HESX1: variants seen among roughly 807,000 people sequenced by gnomAD.
HESX1 encodes the protein homeobox expressed in ES cells 1.
Under a neutral mutation model 22.5 loss-of-function variants are expected in HESX1, and 11 were observed. The ratio of observed to expected loss-of-function variants is 0.49; its 90% CI spans 0.31 to 0.81. The LOEUF is 0.81. Among genes scored for constraint, HESX1 ranks in the 30% least tolerant of loss-of-function variants. The pLI, the probability that HESX1 is intolerant of heterozygous loss-of-function variation, is 0.05. For synonymous variants in HESX1, 74 were observed against 76.5 expected, an observed-to-expected ratio of 0.97 and a Z score of 0.17; for missense variants, 201 against 212.6, an observed-to-expected ratio of 0.95 and a Z score of 0.34.
chr3:57,225,912 GC>G (rs2060640629), intron 1 of HESX1, among the ~76,000 whole-genome samples: 1 of 110,886 alleles, frequency 9.0e-6, no homozygotes, highest in Non-Finnish European at 1.8e-5. Context: ...ACGTAGTCTT[GC>G]TCTGTCGCCC....
intron 1 of HESX1, among the ~76,000 whole-genome samples, chr3:57,225,064 G>C (rs2060634759): frequency 6.6e-6 from 1 of 152,150 alleles, no homozygotes; most frequent in South Asian, 2.1e-4. Context: ...AAAGAAAACT[G>C]GCTTAAAATG....
chr3:57,212,557 C>CAAAAAAAAA (rs56093005), intron 1 of HESX1, among the ~76,000 whole-genome samples: 6 of 80,152 alleles, frequency 7.5e-5, no homozygotes, highest in Admixed American at 4.3e-4. Context: ...GACTCTGTCT[C>CAAAAAAAAA]AAAAAAAAAA....
upstream of HESX1, chr3:57,200,107 C>T (rs2060476666): frequency 3.3e-6 from 2 of 602,662 alleles, no homozygotes; most frequent in Non-Finnish European, 5.9e-6. Context: ...CAGCCAGCAG[C>T]TTAAGGAGTT....
chr3:57,222,935 A>C (rs1358202379), intron 1 of HESX1, among the ~76,000 whole-genome samples: 1 of 152,210 alleles, frequency 6.6e-6, no homozygotes, highest in East Asian at 1.9e-4. Context: ...AAAAAATATT[A>C]GTTTTTAAAA....
rs190201411 is a variant in HESX1, at chr3:57,198,445, G to A, written c.405C>T (p.Ile135=). 8 of 1,606,514 alleles carry A rather than the reference G, an allele frequency of 5.0e-6. No individual in the cohort carries two copies. Among genetic ancestry groups the A allele is most frequent in the East Asian group, 2.2e-5 (1 of 44,724 alleles). The part of the protein sequence containing the change: ...NVFRVNCYPG[I]DIREDLAQKL... The stretch of plus-strand genomic sequence containing the variant: ...TTTGAGCTAAGTCTTCTCTAATATC[G>A]ATACCAGGATAGCAGTTTACTCTAA... The change falls in exon 3 of 4, where the codon ATC becomes ATT. Residue 135 remains isoleucine, a synonymous_variant. Transcript: ENST00000295934.
At chr3:57,201,684 T>A (rs942294935), upstream of HESX1, among the ~76,000 whole-genome samples, 4 of 150,926 alleles carry the variant, frequency 2.7e-5, no homozygotes, top group Admixed American at 6.6e-5. Context: ...GGGGTAGATG[T>A]CAGTGTAGGC....
At chr3:57,222,965 A>G (rs976396695) in intron 1 of HESX1, among the ~76,000 whole-genome samples, 1 of 152,150 alleles carries the variant, frequency 6.6e-6, no homozygotes, top group East Asian at 1.9e-4. Context: ...AGAGACAAAA[A>G]AGCTTCCTTA....
chr3:57,214,900 A>T (rs2060575176), intron 1 of HESX1, among the ~76,000 whole-genome samples: 1 of 152,208 alleles, frequency 6.6e-6, no homozygotes, highest in Admixed American at 6.5e-5. Flanking sequence ...AAGGGAATAT[A>T]GATGAAGGAG....
intron 1 of HESX1, among the ~76,000 whole-genome samples, chr3:57,225,146 T>C (rs1195622880): frequency 6.6e-6 from 1 of 152,184 alleles, no homozygotes; most frequent in African/African-American, 2.4e-5. Flanking sequence ...GGACTATGAA[T>C]TTTGCAGCTT....
upstream of HESX1, among the ~76,000 whole-genome samples, chr3:57,202,954 T>G (rs1485183996): frequency 6.6e-6 from 1 of 152,114 alleles, no homozygotes; most frequent in Admixed American, 6.5e-5. Flanking sequence ...TTGGAATGTT[T>G]GAGGAGGAAG....
intron 2 of HESX1, 38 bp downstream of exon 2, chr3:57,198,715 C>T: frequency 6.3e-7 from 1 of 1,586,186 alleles, no homozygotes; most frequent in Non-Finnish European, 8.7e-7. Flanking sequence ...TCAATTAAAG[C>T]CTTTATATTA....
At chr3:57,227,068 T>TA (rs1417737787), upstream of HESX1, among the ~76,000 whole-genome samples, 2 of 152,230 alleles carry the variant, frequency 1.3e-5, no homozygotes, top group Non-Finnish European at 2.9e-5. Context: ...TTTTAAAAGA[T>TA]ATTTTCCTTT....
At chr3:57,211,453 G>A (rs543019318) in intron 1 of HESX1, among the ~76,000 whole-genome samples, 6 of 142,014 alleles carry the variant, frequency 4.2e-5, no homozygotes, top group Admixed American at 3.0e-4. Flanking sequence ...TCACTTGAGC[G>A]TAGGAGGTTG....
chr3:57,198,230 C>T lies in HESX1; in HGVS notation c.525G>A (p.Ala175=), dbSNP rs141063672. ...RSHRESQFLM[A]KKNFNTNLLE is the part of the protein sequence containing the mutation. ...GCAGATTTGTGTTGAAATTTTTTTT[C>T]GCCATTAGAAACTGTGATTCTCTAT... Residue 175 remains alanine (A), a synonymous_variant, in exon 4 of 4, where the codon GCG becomes GCA. Coordinates refer to ENST00000295934, the MANE Select transcript of HESX1 (RefSeq NM_003865.3). 1.7e-3 allele frequency: 2,778 copies of T among 1,611,574 alleles called. 2 individuals carry two copies. The highest frequency in any genetic ancestry group is 2.2e-3 in the Non-Finnish European group (2,612 of 1,178,358).
chr3:57,223,877 A>T (rs748714241), intron 1 of HESX1, among the ~76,000 whole-genome samples: 9 of 152,204 alleles, frequency 5.9e-5, no homozygotes, highest in Non-Finnish European at 1.3e-4. Flanking sequence ...AGTCTTTTAG[A>T]GAATATTTGT....
At position 57,199,934 on chromosome 3, in the gene HESX1, A is replaced by C; in HGVS notation, c.-16T>G. On this transcript the variant is annotated 5_prime_UTR_variant, in exon 1 of 4. Coordinates refer to ENST00000295934, the MANE Select transcript of HESX1 (RefSeq NM_003865.3). ...TGGGAGACATCCTCTCGTGGTCTGC[A>C]CAGAGCAACAGCTCTGGCCTCTGCT... The C allele has an allele frequency of 3.1e-6, 5 of 1,613,150 alleles. No individual in the cohort carries two copies. Among genetic ancestry groups the C allele is most frequent in the Non-Finnish European group, 3.4e-6 (4 of 1,179,528 alleles).
intron 1 of HESX1, 46 bp from the exon 2 acceptor site, chr3:57,198,998 T>C: frequency 6.6e-7 from 1 of 1,522,374 alleles, no homozygotes; most frequent in Non-Finnish European, 9.1e-7. Flanking sequence ...CAATCTTATG[T>C]TCCACAAAGT....
chr3:57,212,731 T>C (rs572445977), intron 1 of HESX1, among the ~76,000 whole-genome samples: 1 of 152,242 alleles, frequency 6.6e-6, no homozygotes, highest in African/African-American at 2.4e-5. Flanking sequence ...ACTAACAATG[T>C]AGCGTTTCTC....
upstream of HESX1, among the ~76,000 whole-genome samples, chr3:57,201,367 A>G (rs187878240): frequency 6.6e-6 from 1 of 152,204 alleles, no homozygotes; most frequent in African/African-American, 2.4e-5. Context: ...TGAGATGTAG[A>G]TTGTGCAAAG....
Sources: allele counts gnomAD v4.1 joint callset (sites outside exome capture counted in the v4.1 genomes callset), GRCh38; gene constraint gnomAD v4.1.1; transcripts MANE v1.5; gene names NCBI Gene and HGNC (gene_info 2026-07-23, HGNC 2026-07-21).